The following EPG5 variants were observed in gnomAD, a reference collection of about 807,000 sequenced individuals.
EPG5 encodes the protein ectopic P granules protein 5 homolog.
Under a neutral mutation model 302.7 loss-of-function variants are expected in EPG5, and 159 were observed. The ratio of observed to expected loss-of-function variants is 0.53; its 90% CI spans 0.46 to 0.60. The LOEUF (loss-of-function observed/expected upper bound fraction) is 0.60, where lower values mean the gene tolerates loss of function less well. EPG5 is among the 20% of genes least tolerant of loss of function. The pLI, the probability that EPG5 is intolerant of heterozygous loss-of-function variation, is 0.00. For synonymous variants in EPG5, 1,158 were observed against 1,136.8 expected (o/e 1.02, Z -0.37); for missense variants, 2,896 against 3,092.4 (o/e 0.94, Z 1.51).
At chr18:45,860,406 A>G (rs981582089) in intron 39 of EPG5, 60 bp from the exon 40 acceptor site, 19 of 1,605,954 alleles carry the variant, frequency 1.2e-5, no homozygotes, top group Non-Finnish European at 1.5e-5. Flanking sequence ...CCATGTGATC[A>G]GGAGAATAAC....
intron 16 of EPG5, among the ~76,000 whole-genome samples, chr18:45,920,719 T>C (rs2050136392): frequency 6.6e-6 from 1 of 152,164 alleles, no homozygotes; most frequent in South Asian, 2.1e-4. Context: ...AAGACATTCA[T>C]GAGGGATCAG....
At chr18:45,965,686 C>T (rs956733553) in intron 1 of EPG5, among the ~76,000 whole-genome samples, 23 of 152,204 alleles carry the variant, frequency 1.5e-4, no homozygotes, top group African/African-American at 5.5e-4. Context: ...CAAATGTAAA[C>T]TCTGTTTCAG....
the EPG5 span, among the ~76,000 whole-genome samples, chr18:45,824,292 C>T: frequency 1.3e-5 from 2 of 152,216 alleles, no homozygotes; most frequent in African/African-American, 2.4e-5. Context: ...CTGCAAGCTC[C>T]GCCTCCTGGC....
At position 45,866,989 on chromosome 18, in the gene EPG5, G is replaced by T. The variant is rs752625052; in HGVS notation, c.6430C>A (p.Leu2144Ile). Residue 2144 changes from leucine to isoleucine, a missense_variant, in exon 38 of 44, where the codon CTC (leucine) becomes ATC (isoleucine). Coordinates refer to ENST00000282041, the MANE Select transcript of EPG5 (RefSeq NM_020964.3). Reference sequence around the variant, plus strand: ...GAAAGTGAGCTTGTCTGTCCAAGGAGACTAAGTAAAGGTGAATCCTAAAAA... The same window carrying T: ...GAAAGTGAGCTTGTCTGTCCAAGGATACTAAGTAAAGGTGAATCCTAAAAA... The part of the protein sequence containing the change: ...VDQTDSPLLS[L>I]LGQTSSLSWH... 3 of 1,613,918 alleles carry T rather than the reference G, an allele frequency of 1.9e-6. No homozygotes were observed. The highest frequency in any genetic ancestry group is 2.2e-5 in the South Asian group (2 of 91,074).
At chr18:45,898,761 C>T (rs2049535991) in intron 27 of EPG5, among the ~76,000 whole-genome samples, 1 of 152,196 alleles carries the variant, frequency 6.6e-6, no homozygotes, top group South Asian at 2.1e-4. Flanking sequence ...CTGACCTAGC[C>T]ACCGACCCCT....
At chr18:45,839,365 A>G in the EPG5 span, among the ~76,000 whole-genome samples, 1 of 152,178 alleles carries the variant, frequency 6.6e-6, no homozygotes, top group Non-Finnish European at 1.5e-5. Context: ...AGACCCGGTT[A>G]ACTCTAGAGC....
chr18:45,842,699 C>T (rs914702225), downstream of EPG5: 1 of 157,832 alleles, frequency 6.3e-6, no homozygotes, highest in Non-Finnish European at 1.4e-5. Flanking sequence ...GCTGGGAGGA[C>T]TACAAAGATC....
At chr18:45,832,723 A>C in the EPG5 span, among the ~76,000 whole-genome samples, 2 of 152,238 alleles carry the variant, frequency 1.3e-5, no homozygotes, top group Admixed American at 1.3e-4. Flanking sequence ...ATTCCAGTTC[A>C]GGAATCCTCC....
intron 9 of EPG5, 112 bp downstream of exon 9, chr18:45,943,049 G>A (rs576230531): frequency 4.1e-5 from 43 of 1,039,464 alleles, no homozygotes; most frequent in South Asian, 1.4e-4. Context: ...TAACTATTAC[G>A]AGAAATAAGA....
Position 45,852,218 on chromosome 18 carries a change from G to A in EPG5, c.*249C>T, listed in dbSNP as rs1392119724. On this transcript the variant is annotated 3_prime_UTR_variant, in exon 44 of 44. Coordinates refer to ENST00000282041, the MANE Select transcript of EPG5 (RefSeq NM_020964.3). ...TCTGCACCCAAGTGGAACTTAGTAA[G>A]TTTCTCTTGTGGATAAATATAAAAA... The A allele has an allele frequency of 1.2e-5, 4 of 342,970 alleles. No homozygotes were observed. The highest frequency in any genetic ancestry group is 2.1e-5 in the Non-Finnish European group (4 of 191,022). 21.2% of individuals were successfully genotyped at this position (342,970 alleles called of 1,614,324 possible).
chr18:45,965,475 G>A (rs1172460723), intron 1 of EPG5, among the ~76,000 whole-genome samples: 1 of 152,128 alleles, frequency 6.6e-6, no homozygotes, highest in African/African-American at 2.4e-5. Flanking sequence ...AAAAAAAAGA[G>A]CATCATAATG....
chr18:45,866,907 T>C lies in EPG5; in HGVS notation c.6512A>G (p.His2171Arg), dbSNP rs369070714. ...TGCCAGGATGATGGACGGCGGGTAA[T>C]GGCTGCTGAAATAACTTAGCACACT... The part of the protein sequence containing the change: ...YQSVLSYFSS[H>R]YPPSIILAKE... Residue 2171 changes from histidine (H) to arginine (R), a missense_variant, in exon 38 of 44, where the codon CAT becomes CGT. Physicochemically the swap from His to Arg is conservative, Grantham distance 29. Coordinates refer to ENST00000282041, the MANE Select transcript of EPG5 (RefSeq NM_020964.3). 152 of 1,614,022 alleles carry C rather than the reference T, an allele frequency of 9.4e-5. No homozygotes were observed. The highest frequency in any genetic ancestry group is 1.2e-4 in the Non-Finnish European group (140 of 1,179,964).
the EPG5 span, chr18:45,840,268 A>G: frequency 3.1e-6 from 5 of 1,604,342 alleles, no homozygotes; most frequent in Non-Finnish European, 4.3e-6. Flanking sequence ...CCTCCACCCT[A>G]CCCTACCCCA....
Position 45,847,992 on chromosome 18 carries a change from A to AT in EPG5, c.*4474dup, listed in dbSNP as rs35840167. 42,264 of 151,790 alleles carry AT rather than the reference A, an allele frequency of 0.28. 7,932 individuals are homozygous for AT. Among genetic ancestry groups the AT allele is most frequent in the African/African-American group, 0.51 (20,810 of 41,188 alleles). 9.4% of individuals were successfully genotyped at this position (151,790 alleles called of 1,614,324 possible). A position where few individuals can be genotyped will look rare whatever the true frequency, so the allele number is the denominator to read the frequency against. On this transcript the variant is annotated 3_prime_UTR_variant, in exon 44 of 44. Transcript: ENST00000282041. ...CCAAAAGAGGATCAGTAGTATAATT[A>AT]TTTTTTTTTCAAGTTATTTTCATCA...
In EPG5 at chr18:45,870,675, T is replaced by C. The variant is rs763179045; in HGVS notation, c.6117A>G (p.Thr2039=). 7 of 1,613,752 alleles carry C rather than the reference T, an allele frequency of 4.3e-6. No individual in the cohort carries two copies. In the East Asian group the frequency reaches 6.7e-5, roughly 15 times the overall value. ...GAATGAACTCTGGCATTTTGGGTGCTGTACATGCTTCACAATAATGCATCA... is the reference window on the plus strand; with the variant it reads ...GAATGAACTCTGGCATTTTGGGTGCCGTACATGCTTCACAATAATGCATCA... ...LHLMHYCEAC[T]APKMPEFILY... Residue 2039 remains threonine, a synonymous_variant, in exon 36 of 44, where the codon ACA becomes ACG. Transcript: ENST00000282041.
chr18:45,838,963 G>GTT, the EPG5 span: 1 of 1,604,490 alleles, frequency 6.2e-7, no homozygotes, highest in Non-Finnish European at 8.5e-7. Context: ...CCGCTCCGAG[G>GTT]CCAGCGTCTA....
At chr18:45,837,390 A>G in the EPG5 span, 1 of 1,327,318 alleles carries the variant, frequency 7.5e-7, no homozygotes. Flanking sequence ...ACGATCCCTG[A>G]GTCCTGGGGT....
intron 16 of EPG5, among the ~76,000 whole-genome samples, chr18:45,921,983 C>G (rs1332783719): frequency 1.3e-5 from 2 of 149,158 alleles, no homozygotes; most frequent in African/African-American, 5.0e-5. Context: ...AAAAAAAAAG[C>G]CTGAGTTGGG....
At chr18:45,840,222 AC>A in the EPG5 span, 2 of 1,612,078 alleles carry the variant, frequency 1.2e-6, no homozygotes, top group South Asian at 1.1e-5. Flanking sequence ...GCATCTGGAC[AC>A]CCCGGACACC....
Sources: gnomAD v4.1 joint callset for allele counts (sites outside exome capture counted in the v4.1 genomes callset) on GRCh38, gnomAD v4.1.1 for gene constraint, MANE v1.5 for transcripts, NCBI Gene and HGNC (gene_info 2026-07-23, HGNC 2026-07-21) for gene names.